Variants in ITPRID2 observed in about 807,000 individuals in gnomAD.
ITPRID2 encodes protein ITPRID2.
Under a neutral mutation model 124.3 loss-of-function variants are expected in ITPRID2, and 60 were observed. That is an observed-to-expected ratio of 0.48 (90% CI 0.39 to 0.60). ITPRID2 has a LOEUF of 0.60. Ranked by LOEUF, ITPRID2 falls within the 20% of genes least tolerant of loss-of-function variation. ITPRID2 has a pLI of 0.00. For synonymous variants in ITPRID2, 521 were observed against 542.9 expected (o/e 0.96, Z 0.56); for missense variants, 1,553 against 1,512.2 (o/e 1.03, Z -0.45).
intron 16 of ITPRID2, 117 bp downstream of exon 16, chr2:181,922,529 CAG>C: frequency 9.8e-7 from 1 of 1,025,378 alleles, no homozygotes; most frequent in Non-Finnish European, 1.4e-6. Context: ...ATAATTTTCA[CAG>C]AGCTTTTAAA....
chr2:181,924,156 G>A (rs1028467660), intron 16 of ITPRID2, among the ~76,000 whole-genome samples: 4 of 152,224 alleles, frequency 2.6e-5, no homozygotes, highest in Admixed American at 2.6e-4. Context: ...TGTCTACAAA[G>A]GGCCTACCCA....
chr2:181,914,128 T>C (rs1021059724), intron 10 of ITPRID2, among the ~76,000 whole-genome samples, 195 bp downstream of exon 10: 2 of 152,232 alleles, frequency 1.3e-5, no homozygotes, highest in Non-Finnish European at 2.9e-5. Context: ...TCTCTGAATA[T>C]GTTTTTAAAA....
chr2:181,903,420 T>C (rs1255107739), intron 8 of ITPRID2, among the ~76,000 whole-genome samples: 1 of 152,236 alleles, frequency 6.6e-6, no homozygotes, highest in African/African-American at 2.4e-5. Context: ...CACAGTAGTT[T>C]TAACATCACA....
intron 4 of ITPRID2, among the ~76,000 whole-genome samples, chr2:181,897,320 C>G (rs773746213): frequency 3.3e-5 from 5 of 152,016 alleles, no homozygotes; most frequent in Non-Finnish European, 5.9e-5. Flanking sequence ...TTATTTTTAG[C>G]GCAAAATAGA....
In ITPRID2 at chr2:181,921,980, GA is replaced by G; in HGVS notation, c.3245del (p.Lys1082SerfsTer61). 2 of 1,614,232 alleles carry G rather than the reference GA, an allele frequency of 1.2e-6. No individual in the cohort carries two copies. The highest frequency in any genetic ancestry group is 1.7e-6 in the Non-Finnish European group (2 of 1,180,042). On this transcript the variant is annotated frameshift_variant, in exon 16 of 18. Coordinates refer to ENST00000431877, the MANE Select transcript of ITPRID2 (RefSeq NM_001130445.3). LOFTEE classifies it high-confidence loss of function. ...AACTGATGCAGGAGCAGTCATACCT[GA>G]AGTCTGAATTGGGCCTGGGACTTGG... The part of the protein sequence containing the change: ...TELMQEQSYL[K>X]SELGLGLGEM...
At position 181,921,929 on chromosome 2, in the gene ITPRID2, A is replaced by AT. The variant is rs1694506812; in HGVS notation, c.3211-12dup. 2.5e-6 allele frequency: 4 copies of AT among 1,595,186 alleles called. No individual in the cohort carries two copies. Among genetic ancestry groups the AT allele is most frequent in the African/African-American group, 2.7e-5 (2 of 73,986 alleles). On this transcript the variant is annotated intron_variant, in intron 15 of 17. Coordinates refer to ENST00000431877, the MANE Select transcript of ITPRID2 (RefSeq NM_001130445.3). ...CTTAATTCCAAGAGAGAAGAATAAC[A>AT]TTTTTTTATGATCTCCAGGTCACTG... is the stretch of plus-strand genomic sequence containing the variant.
intron 8 of ITPRID2, among the ~76,000 whole-genome samples, chr2:181,904,216 G>T (rs1692908783): frequency 1.3e-5 from 2 of 152,164 alleles, no homozygotes; most frequent in South Asian, 2.1e-4. Context: ...TAGTCTGGGG[G>T]TTTTTTGCCC....
rs549163581 is a variant in ITPRID2, at chr2:181,903,141, G to A, written c.1413+675G>A. 1.2e-3 allele frequency among the ~76,000 whole-genome samples: 179 copies of A among 152,270 alleles called. 1 individual carries two copies. The highest frequency in any genetic ancestry group is 4.0e-3 in the African/African-American group (167 of 41,552). ...AAGATAAAAGATACTTATTTTGAAT[G>A]AGGTTCAGCTAAAACTGCTTCTGAA... On this transcript the variant is annotated intron_variant, in intron 8 of 17. Transcript: ENST00000431877.
intron 11 of ITPRID2, chr2:181,916,952 C>T (rs1185054915): frequency 3.0e-6 from 3 of 987,960 alleles, no homozygotes; most frequent in East Asian, 2.3e-4. Context: ...AGTTAGTCTA[C>T]TTCCACTGGA....
At chr2:181,898,660 G>A (rs1384994012) in intron 4 of ITPRID2, among the ~76,000 whole-genome samples, 1 of 151,962 alleles carries the variant, frequency 6.6e-6, no homozygotes, top group Non-Finnish European at 1.5e-5. Context: ...TTAGTTTCAT[G>A]TTGCCACAAC....
chr2:181,894,789 T>C (rs1692053607), intron 2 of ITPRID2: 1 of 152,088 alleles, frequency 6.6e-6, no homozygotes, highest in Admixed American at 6.5e-5. Context: ...TTTGATAGAA[T>C]TTGGAAGGGA....
At position 181,918,750 on chromosome 2, in the gene ITPRID2, T is replaced by C; in HGVS notation, c.2866-5T>C. ...GAAGTGTAATTTTGTTATATTGCAT[T>C]CTAGAATACTTTTCAGGAGCTCCAG... On this transcript the variant is annotated splice_polypyrimidine_tract_variant and splice_region_variant and intron_variant, in intron 12 of 17. Transcript: ENST00000431877. 2.5e-6 allele frequency: 4 copies of C among 1,613,788 alleles called. No homozygotes were observed. The highest frequency in any genetic ancestry group is 3.4e-6 in the Non-Finnish European group (4 of 1,179,912).
At chr2:181,908,990 A>G (rs991320442) in intron 8 of ITPRID2, among the ~76,000 whole-genome samples, 1 of 152,090 alleles carries the variant, frequency 6.6e-6, no homozygotes, top group Non-Finnish European at 1.5e-5. Context: ...CCCATTCCCT[A>G]TGTATTTAAT....
intron 9 of ITPRID2, among the ~76,000 whole-genome samples, 198 bp from the exon 10 acceptor site, chr2:181,913,647 T>C (rs1693799311): frequency 6.6e-6 from 1 of 152,230 alleles, no homozygotes; most frequent in Admixed American, 6.5e-5. Flanking sequence ...TTGTTTGAAT[T>C]TGAGTTACCT....
In ITPRID2 at chr2:181,922,272, G is replaced by C. The variant is rs61736565; in HGVS notation, c.3535G>C (p.Asp1179His). ...AGATTTGGAAAGTTCTGAGGAAGTT[G>C]ATGCAGCTGAAGGAGCCCCAGAAGT... is the stretch of plus-strand genomic sequence containing the variant. ...PPDLESSEEV[D>H]AAEGAPEVVG... is the part of the protein sequence containing the mutation. Residue 1179 changes from aspartate to histidine, a missense_variant, in exon 16 of 18, where the codon GAT becomes CAT. Asp to His is a moderately conservative substitution (Grantham distance 81). Transcript: ENST00000431877. 8.2e-4 allele frequency: 1,320 copies of C among 1,614,222 alleles called. 7 individuals are homozygous for C. The African/African-American group carries it at 0.013, about 16-fold the overall frequency.
At chr2:181,927,377 C>T (rs1694939906) in intron 16 of ITPRID2, among the ~76,000 whole-genome samples, 1 of 152,262 alleles carries the variant, frequency 6.6e-6, no homozygotes, top group Non-Finnish European at 1.5e-5. Context: ...GATGCTGTAT[C>T]ATTAGAGAGA....
At position 181,896,839 on chromosome 2, in the gene ITPRID2, A is replaced by T; in HGVS notation, c.308-69A>T. ...ATATTTTGCTGGGTGAATTTAACTA[A>T]AACAGTGATTTTATATGAGGGTGGA... On this transcript the variant is annotated intron_variant, in intron 3 of 17. Coordinates refer to ENST00000431877, the MANE Select transcript of ITPRID2 (RefSeq NM_001130445.3). This position sits in a 1 kb window ranked among gnomAD's most constrained non-coding sequence, Gnocchi z 4.3. The T allele has an allele frequency of 1.6e-6, 2 of 1,260,242 alleles. No homozygotes were observed. The highest frequency in any genetic ancestry group is 2.3e-6 in the Non-Finnish European group (2 of 866,002). The allele number at this position is 1,260,242 out of a possible 1,614,324, so 78.1% of individuals were successfully genotyped here. A position where few individuals can be genotyped will look rare whatever the true frequency, so the allele number is the denominator to read the frequency against.
Position 181,906,738 on chromosome 2 carries a change from C to CA in ITPRID2, c.1414-3154dup, listed in dbSNP as rs199646472. On this transcript the variant is annotated intron_variant, in intron 8 of 17. Coordinates refer to ENST00000431877, the MANE Select transcript of ITPRID2 (RefSeq NM_001130445.3). ...TGGGCAACAGAACGAGACCTTGTTT[C>CA]AAAAAAATGAAATAAAAAAAAAAAA... is the stretch of plus-strand genomic sequence containing the variant. Among the ~76,000 whole-genome samples, 102 of 147,356 alleles carry CA rather than the reference C, an allele frequency of 6.9e-4. 1 individual carries two copies. In the East Asian group the frequency reaches 0.017, roughly 25 times the overall value.
intron 15 of ITPRID2, 123 bp from the exon 16 acceptor site, chr2:181,921,825 G>A: frequency 1.2e-6 from 1 of 844,584 alleles, no homozygotes; most frequent in South Asian, 1.9e-5. Flanking sequence ...TAAATTAATG[G>A]AATAGATTTA....
Sources: gnomAD v4.1 joint callset for allele counts (sites outside exome capture counted in the v4.1 genomes callset) on GRCh38, gnomAD v4.1.1 for gene constraint, Gnocchi (gnomAD v3.1) non-coding constraint, MANE v1.5 for transcripts, NCBI Gene and HGNC (gene_info 2026-07-23, HGNC 2026-07-21) for gene names.